Variants in LMNTD1 observed in about 807,000 individuals in gnomAD.
LMNTD1 encodes the protein lamin tail domain containing 1, also known as lamin tail domain-containing protein 1.
Under a neutral mutation model 50.9 loss-of-function variants are expected in LMNTD1, and 35 were observed. The ratio of observed to expected loss-of-function variants is 0.69; its 90% CI spans 0.53 to 0.91. The LOEUF is 0.91. LMNTD1 is among the 40% of genes least tolerant of loss of function. The pLI, the probability that LMNTD1 is intolerant of heterozygous loss-of-function variation, is 0.00. For missense variants in LMNTD1, 470 were observed against 475.5 expected (o/e 0.99, Z 0.11); for synonymous variants, 153 against 161.9 (o/e 0.94, Z 0.42).
At chr12:25,486,299 T>A (rs915223722) in intron 9 of LMNTD1, among the ~76,000 whole-genome samples, 11 of 149,874 alleles carry the variant, frequency 7.3e-5, no homozygotes, top group African/African-American at 2.7e-4. Flanking sequence ...ATGATTTGGC[T>A]CTCTGTTTGT....
chr12:25,566,589 T>A (rs1238097732), intron 1 of LMNTD1, among the ~76,000 whole-genome samples: 1 of 152,240 alleles, frequency 6.6e-6, no homozygotes, highest in Non-Finnish European at 1.5e-5. Flanking sequence ...ATGAGCTCTA[T>A]CAATGGCTTT....
At chr12:25,515,591 T>C (rs1940697244) in intron 8 of LMNTD1, among the ~76,000 whole-genome samples, 1 of 152,114 alleles carries the variant, frequency 6.6e-6, no homozygotes, top group Non-Finnish European at 1.5e-5. Context: ...TGTGAAACAA[T>C]ACAATAAAAT....
chr12:25,579,936 G>A (rs772971149), intron 1 of LMNTD1, among the ~76,000 whole-genome samples: 1 of 152,134 alleles, frequency 6.6e-6, no homozygotes, highest in Non-Finnish European at 1.5e-5. Flanking sequence ...AAGCATAGAT[G>A]TAATTATTTG....
At chr12:25,628,303 T>C (rs1190178972) in intron 1 of LMNTD1, among the ~76,000 whole-genome samples, 2 of 115,420 alleles carry the variant, frequency 1.7e-5, no homozygotes, top group Non-Finnish European at 1.6e-5. Flanking sequence ...ATAATATGGA[T>C]TTTATTTATT....
intron 1 of LMNTD1, among the ~76,000 whole-genome samples, chr12:25,628,089 C>T (rs965912070): frequency 3.0e-5 from 3 of 101,188 alleles, no homozygotes; most frequent in Admixed American, 1.7e-4. Context: ...GCCTGGGCGA[C>T]AGAGTGAAAC....
At chr12:25,536,668 C>A (rs1292114554) in intron 4 of LMNTD1, among the ~76,000 whole-genome samples, 2 of 147,716 alleles carry the variant, frequency 1.4e-5, no homozygotes, top group African/African-American at 5.0e-5. Flanking sequence ...TCAAATTTCA[C>A]CTTAAAAAAT....
chr12:25,644,401 GT>G (rs1947020238), intron 1 of LMNTD1, among the ~76,000 whole-genome samples: 1 of 151,496 alleles, frequency 6.6e-6, no homozygotes, highest in Non-Finnish European at 1.5e-5. Context: ...GGGAAGATTG[GT>G]TAAGCCTAGG....
At position 25,577,914 on chromosome 12, in the gene LMNTD1, A is replaced by G. The variant is rs530947025; in HGVS notation, c.59-31360T>C. Among the ~76,000 whole-genome samples, 3 of 152,220 alleles carry G rather than the reference A, an allele frequency of 2.0e-5. No homozygotes were observed. The South Asian group carries it at 6.2e-4, about 32-fold the overall frequency. On this transcript the variant is annotated intron_variant, in intron 1 of 7. Coordinates refer to the LMNTD1 transcript ENST00000445693. ...GTCCTATCATGCCCATGGTGGGAGC[A>G]TATATGGGGTTGGTAGCAGGTGGTG... is the stretch of plus-strand genomic sequence containing the variant.
intron 1 of LMNTD1, among the ~76,000 whole-genome samples, chr12:25,589,381 CA>C: frequency 6.6e-6 from 1 of 152,188 alleles, no homozygotes; most frequent in East Asian, 1.9e-4. Flanking sequence ...ATACATACAA[CA>C]GTGGTAAAAC....
Position 25,638,320 on chromosome 12 carries a change from A to T in LMNTD1, c.58+10174T>A, listed in dbSNP as rs528732002. On this transcript the variant is annotated intron_variant, in intron 1 of 7. Transcript: ENST00000445693. ...TCTCATCACATCTATTCAATATCAGACCAGAAGTTCTAGTCAGGGAAAATT... is the reference window on the plus strand; with the variant it reads ...TCTCATCACATCTATTCAATATCAGTCCAGAAGTTCTAGTCAGGGAAAATT... Among the ~76,000 whole-genome samples, 43 of 152,188 alleles carry T rather than the reference A, an allele frequency of 2.8e-4. No homozygotes were observed. In the South Asian group the frequency reaches 8.1e-3, roughly 29 times the overall value.
rs1215182415 is a variant in LMNTD1, at chr12:25,543,262, A to G, written c.491+3112T>C. On this transcript the variant is annotated intron_variant, in intron 4 of 9. Coordinates refer to ENST00000458174, the MANE Select transcript of LMNTD1 (RefSeq NM_001145728.2). ...TAAAGGAGAGACTATATCCCATCTCATTCCATAAACAGTGGAATTACCGTG... is the reference window on the plus strand; with the variant it reads ...TAAAGGAGAGACTATATCCCATCTCGTTCCATAAACAGTGGAATTACCGTG... Among the ~76,000 whole-genome samples, 7 of 152,202 alleles carry G rather than the reference A, an allele frequency of 4.6e-5. No homozygotes were observed. The East Asian group carries it at 1.3e-3, about 29-fold the overall frequency.
intron 4 of LMNTD1, among the ~76,000 whole-genome samples, chr12:25,537,120 CA>C (rs1219983074): frequency 6.6e-6 from 1 of 152,206 alleles, no homozygotes; most frequent in Non-Finnish European, 1.5e-5. Context: ...AGTGTGAGAT[CA>C]AACTGCAAGG....
At chr12:25,609,450 T>C (rs1356166676) in intron 1 of LMNTD1, among the ~76,000 whole-genome samples, 1 of 152,198 alleles carries the variant, frequency 6.6e-6, no homozygotes, top group African/African-American at 2.4e-5. Context: ...CTCCTCTTCT[T>C]TGTGGTTTTA....
chr12:25,480,118 C>A lies in LMNTD1; in HGVS notation c.*23-3658G>T, dbSNP rs78308982. ...GAGGTCACCCAATGGTGAGCACTCA[C>A]GTACAATACAAATACCTTCACACTC... On this transcript the variant is annotated intron_variant, in intron 9 of 9. Coordinates refer to ENST00000458174, the MANE Select transcript of LMNTD1 (RefSeq NM_001145728.2). Among the ~76,000 whole-genome samples, 175 of 152,322 alleles carry A rather than the reference C, an allele frequency of 1.1e-3. 5 individuals carry two copies. In the East Asian group the frequency reaches 0.032, roughly 28 times the overall value.
chr12:25,520,232 CTTTT>C (rs1056538488), intron 6 of LMNTD1, among the ~76,000 whole-genome samples, 157 bp from the exon 7 acceptor site: 1 of 143,758 alleles, frequency 7.0e-6, no homozygotes, highest in Non-Finnish European at 1.5e-5. Flanking sequence ...CACGTAGTTA[CTTTT>C]TTATGACAAG....
chr12:25,497,118 G>A (rs548455817), intron 9 of LMNTD1, among the ~76,000 whole-genome samples: 19 of 152,126 alleles, frequency 1.2e-4, no homozygotes, highest in Admixed American at 8.5e-4. Flanking sequence ...CGATGAACAC[G>A]TGTTGTTTCT....
intron 4 of LMNTD1, among the ~76,000 whole-genome samples, chr12:25,536,247 T>A (rs1442181735): frequency 6.6e-6 from 1 of 152,116 alleles, no homozygotes; most frequent in Non-Finnish European, 1.5e-5. Context: ...CATGAAACAT[T>A]CTACTAAACA....
intron 8 of LMNTD1, 79 bp downstream of exon 8, chr12:25,518,716 A>T: frequency 1.6e-6 from 2 of 1,260,334 alleles, no homozygotes; most frequent in Non-Finnish European, 2.3e-6. Flanking sequence ...AGCACATTTT[A>T]ACCACTTAAC....
chr12:25,607,226 CTTCTTT>C (rs1946131910), intron 1 of LMNTD1, among the ~76,000 whole-genome samples: 1 of 152,066 alleles, frequency 6.6e-6, no homozygotes, highest in African/African-American at 2.4e-5. Flanking sequence ...TCTCTCTTTT[CTTCTTT>C]ATTAGTCTTG....
Sources: allele counts gnomAD v4.1 joint callset (sites outside exome capture counted in the v4.1 genomes callset), GRCh38; gene constraint gnomAD v4.1.1; transcripts MANE v1.5; gene names NCBI Gene and HGNC (gene_info 2026-07-23, HGNC 2026-07-21).